Variants in MGAT4C observed in about 807,000 individuals in gnomAD.
MGAT4C encodes the protein alpha-1,3-mannosyl-glycoprotein 4-beta-N-acetylglucosaminyltransferase C.
MGAT4C carries 19 observed loss-of-function variants against 40.1 expected under a neutral mutation model. That is an observed-to-expected ratio of 0.47 (90% confidence interval 0.33 to 0.70). MGAT4C has a LOEUF of 0.70. Ranked by LOEUF, MGAT4C falls within the 30% of genes least tolerant of loss-of-function variation. The pLI is 0.02. For missense variants in MGAT4C, 491 were observed against 563.2 expected, an observed-to-expected ratio of 0.87 and a Z score of 1.30; for synonymous variants, 181 against 187.1, an observed-to-expected ratio of 0.97 and a Z score of 0.27.
chr12:86,809,559 TA>T (rs398020452), intron 1 of MGAT4C, among the ~76,000 whole-genome samples: 3 of 151,352 alleles, frequency 2.0e-5, no homozygotes, highest in Admixed American at 6.6e-5. Context: ...TCCTATTTTT[TA>T]AAAAAAAATT....
chr12:86,656,330 G>GA (rs1963850326), intron 2 of MGAT4C, among the ~76,000 whole-genome samples: 1 of 151,554 alleles, frequency 6.6e-6, no homozygotes, highest in Admixed American at 6.6e-5. Flanking sequence ...AAAACATTTT[G>GA]AAAAAAACAA....
chr12:86,241,658 C>A (rs1178853953), intron 1 of MGAT4C, among the ~76,000 whole-genome samples: 1 of 152,136 alleles, frequency 6.6e-6, no homozygotes, highest in Non-Finnish European at 1.5e-5. Flanking sequence ...TCGCTTAGAT[C>A]AGTAGAGAGT....
At chr12:86,695,441 T>C (rs914043146) in intron 2 of MGAT4C, among the ~76,000 whole-genome samples, 2 of 152,166 alleles carry the variant, frequency 1.3e-5, no homozygotes, top group South Asian at 4.1e-4. Flanking sequence ...AGAAGGGAAG[T>C]CAGAATATGG....
At chr12:86,779,080 CA>C (rs1951790373) in intron 1 of MGAT4C, among the ~76,000 whole-genome samples, 1 of 151,052 alleles carries the variant, frequency 6.6e-6, no homozygotes, top group Non-Finnish European at 1.5e-5. Flanking sequence ...CCAGAAAACG[CA>C]CAGCTGGTAA....
At chr12:86,326,704 C>T (rs1954536554) in intron 4 of MGAT4C, among the ~76,000 whole-genome samples, 1 of 151,890 alleles carries the variant, frequency 6.6e-6, no homozygotes, top group Admixed American at 6.6e-5. Flanking sequence ...TCAAGAAAAC[C>T]CACTTGAGCC....
rs571344374 is a variant in MGAT4C at position 86,309,199 on chromosome 12, C to T, written c.-57+24866G>A. Among the ~76,000 whole-genome samples, 28 of 142,556 alleles carry T rather than the reference C, an allele frequency of 2.0e-4. 1 individual carries two copies. In the South Asian group the frequency reaches 5.9e-3, roughly 30 times the overall value. 93.5% of individuals were successfully genotyped at this position (142,556 alleles called of 152,430 possible). A position where few individuals can be genotyped will look rare whatever the true frequency, so the allele number is the denominator to read the frequency against. ...AGTATTTTGGCCTTTCTTTATAAAG[C>T]CCTAAATGTTGTGGATCTTCTGATA... is the stretch of plus-strand genomic sequence containing the variant. On this transcript the variant is annotated intron_variant, in intron 4 of 7. Coordinates refer to the MGAT4C transcript ENST00000548651.
intron 3 of MGAT4C, among the ~76,000 whole-genome samples, chr12:86,378,523 A>G (rs1955872849): frequency 6.6e-6 from 1 of 152,184 alleles, no homozygotes; most frequent in Admixed American, 6.5e-5. Context: ...AGAAAAAAAG[A>G]GCAAACACGA....
chr12:86,805,529 G>T (rs550830658), intron 1 of MGAT4C, among the ~76,000 whole-genome samples: 1 of 152,004 alleles, frequency 6.6e-6, no homozygotes, highest in Non-Finnish European at 1.5e-5. Flanking sequence ...CATTCATGTT[G>T]CTGCAAAGGG....
intron 1 of MGAT4C, among the ~76,000 whole-genome samples, chr12:86,110,295 T>A (rs1321384238): frequency 3.0e-4 from 4 of 13,370 alleles, no homozygotes; most frequent in Admixed American, 1.4e-3. Flanking sequence ...ATATATATAG[T>A]CTCTCTATAT....
At chr12:86,068,990 C>A (rs1193681192) in intron 1 of MGAT4C, among the ~76,000 whole-genome samples, 2 of 152,072 alleles carry the variant, frequency 1.3e-5, no homozygotes, top group African/African-American at 4.8e-5. Context: ...CCACTCCAAC[C>A]TATATGTGGT....
chr12:86,192,174 A>G (rs957472656), intron 1 of MGAT4C, among the ~76,000 whole-genome samples: 17 of 151,750 alleles, frequency 1.1e-4, no homozygotes, highest in African/African-American at 3.9e-4. Flanking sequence ...GCACACCAAC[A>G]TGGCACATGT....
chr12:85,980,524 A>T, intron 4 of MGAT4C, 94 bp from the exon 5 acceptor site: 5 of 1,112,176 alleles, frequency 4.5e-6, no homozygotes, highest in Non-Finnish European at 6.3e-6. Context: ...CTTGCTACTT[A>T]CTACATATTA....
chr12:86,556,916 T>A (rs1220224737), intron 2 of MGAT4C, among the ~76,000 whole-genome samples: 3 of 152,160 alleles, frequency 2.0e-5, no homozygotes, highest in Non-Finnish European at 4.4e-5. Flanking sequence ...AATTTTCAGT[T>A]GATTTTATTC....
chr12:86,393,811 A>AAATCGG (rs1278651869), intron 3 of MGAT4C, among the ~76,000 whole-genome samples: 1 of 152,150 alleles, frequency 6.6e-6, no homozygotes, highest in East Asian at 1.9e-4. Flanking sequence ...GAATTATGAG[A>AAATCGG]CAGTCCTGCA....
chr12:86,537,406 T>G (rs1751846707), intron 2 of MGAT4C, among the ~76,000 whole-genome samples: 1 of 152,024 alleles, frequency 6.6e-6, no homozygotes, highest in Non-Finnish European at 1.5e-5. Flanking sequence ...TTTTCATACT[T>G]GTTAACTTAG....
intron 1 of MGAT4C, among the ~76,000 whole-genome samples, chr12:86,122,052 A>C (rs1879461314): frequency 6.6e-6 from 1 of 152,224 alleles, no homozygotes; most frequent in South Asian, 2.1e-4. Flanking sequence ...ATAACTAAAA[A>C]TTTGAAAAAT....
intron 3 of MGAT4C, among the ~76,000 whole-genome samples, chr12:86,378,618 GAC>G (rs1157528592): frequency 6.6e-6 from 1 of 152,074 alleles, no homozygotes; most frequent in Non-Finnish European, 1.5e-5. Context: ...TAATGAGGAA[GAC>G]ACAGAAATAA....
intron 1 of MGAT4C, among the ~76,000 whole-genome samples, chr12:86,196,817 C>T (rs1484982067): frequency 6.6e-6 from 1 of 152,176 alleles, no homozygotes; most frequent in Non-Finnish European, 1.5e-5. Flanking sequence ...CTAGAACATG[C>T]TTTCCACTTT....
chr12:86,531,957 A>G (rs1958993340), intron 2 of MGAT4C, among the ~76,000 whole-genome samples: 1 of 151,816 alleles, frequency 6.6e-6, no homozygotes, highest in Non-Finnish European at 1.5e-5. Flanking sequence ...GGATTAGTCA[A>G]CTCTATGGAA....
Sources: allele counts gnomAD v4.1 joint callset (sites outside exome capture counted in the v4.1 genomes callset), GRCh38; gene constraint gnomAD v4.1.1; transcripts MANE v1.5; gene names NCBI Gene and HGNC (gene_info 2026-07-23, HGNC 2026-07-21).